ZEB1: variants seen among roughly 807,000 people sequenced by gnomAD.
ZEB1 encodes the protein zinc finger E-box-binding homeobox 1.
Under a neutral mutation model 84.9 loss-of-function variants are expected in ZEB1, and 21 were observed. The ratio of observed to expected loss-of-function variants is 0.25; its 90% CI spans 0.18 to 0.36. The LOEUF is 0.36. Ranked by LOEUF, ZEB1 falls within the 10% of genes least tolerant of loss-of-function variation. The pLI is 1.00. For synonymous variants in ZEB1, 420 were observed against 471.1 expected (o/e 0.89, Z 1.41); for missense variants, 1,104 against 1,330.2 (o/e 0.83, Z 2.65).
At chr10:31,502,648 C>A in intron 4 of ZEB1, 139 bp downstream of exon 4, 5 of 1,007,370 alleles carry the variant, frequency 5.0e-6, no homozygotes, top group Non-Finnish European at 7.6e-6. Flanking sequence ...AGAGAGTAAT[C>A]TGTTTTATTA....
chr10:31,502,588 T>TCTA, intron 4 of ZEB1, 79 bp downstream of exon 4: 3 of 1,582,672 alleles, frequency 1.9e-6, no homozygotes, highest in Non-Finnish European at 2.6e-6. Flanking sequence ...GGGAACCTGC[T>TCTA]CTACTATAGG....
intron 4 of ZEB1, among the ~76,000 whole-genome samples, chr10:31,504,359 C>T (rs1227229126): frequency 6.6e-6 from 1 of 151,852 alleles, no homozygotes; most frequent in Non-Finnish European, 1.5e-5. Flanking sequence ...CTTACTGTAC[C>T]TTGTATTATA....
At chr10:31,455,486 T>C (rs2061098631) in intron 1 of ZEB1, among the ~76,000 whole-genome samples, 1 of 152,078 alleles carries the variant, frequency 6.6e-6, no homozygotes, top group South Asian at 2.1e-4. Flanking sequence ...ACCTACAGAA[T>C]GGGAGAAAAT....
intron 1 of ZEB1, among the ~76,000 whole-genome samples, chr10:31,331,082 T>TTTC (rs2133259401): frequency 1.3e-5 from 1 of 79,876 alleles, no homozygotes; most frequent in Non-Finnish European, 2.0e-5. Context: ...TCTTTCTTTC[T>TTTC]TTTTTTTTTT....
intron 2 of ZEB1, among the ~76,000 whole-genome samples, chr10:31,471,877 C>A (rs2063309537): frequency 6.9e-6 from 1 of 145,372 alleles, no homozygotes; most frequent in African/African-American, 2.8e-5. Flanking sequence ...GACCACAGTG[C>A]AATCAAACTA....
At chr10:31,362,643 T>C (rs2134157077) in intron 1 of ZEB1, among the ~76,000 whole-genome samples, 1 of 145,784 alleles carries the variant, frequency 6.9e-6, no homozygotes, top group Non-Finnish European at 1.5e-5. Flanking sequence ...GCCCAGATGG[T>C]GCGGTGGCCG....
At chr10:31,327,898 A>G (rs1418500253) in intron 1 of ZEB1, among the ~76,000 whole-genome samples, 1 of 152,118 alleles carries the variant, frequency 6.6e-6, no homozygotes. Flanking sequence ...TTCTCTGTTT[A>G]TTAGGGAGGT....
chr10:31,403,928 A>G (rs1333999645), intron 1 of ZEB1, among the ~76,000 whole-genome samples: 1 of 152,122 alleles, frequency 6.6e-6, no homozygotes, highest in Non-Finnish European at 1.5e-5. Flanking sequence ...AATACATTTT[A>G]AAACAGATGC....
chr10:31,444,489 A>G (rs933635159), intron 1 of ZEB1, among the ~76,000 whole-genome samples: 2 of 151,824 alleles, frequency 1.3e-5, no homozygotes, highest in African/African-American at 4.8e-5. Flanking sequence ...GTCCTTGCCC[A>G]TGCCTATGTC....
chr10:31,369,279 G>A (rs1314754545), intron 1 of ZEB1, among the ~76,000 whole-genome samples: 7 of 151,946 alleles, frequency 4.6e-5, no homozygotes, highest in Non-Finnish European at 7.4e-5. Context: ...ATTGACTCTC[G>A]TCAACTTGCT....
intron 1 of ZEB1, among the ~76,000 whole-genome samples, chr10:31,362,113 G>C (rs1284932846): frequency 1.3e-5 from 2 of 151,322 alleles, no homozygotes; most frequent in African/African-American, 2.4e-5. Context: ...TTACTTCGCA[G>C]ACAGGACGGC....
intron 1 of ZEB1, among the ~76,000 whole-genome samples, chr10:31,335,858 A>C (rs536314576): frequency 1.3e-5 from 2 of 152,312 alleles, no homozygotes; most frequent in African/African-American, 4.8e-5. Flanking sequence ...TAACCCAGAA[A>C]AATTCACAGA....
intron 1 of ZEB1, among the ~76,000 whole-genome samples, chr10:31,421,837 A>G (rs2056210818): frequency 6.6e-6 from 1 of 152,054 alleles, no homozygotes; most frequent in Non-Finnish European, 1.5e-5. Context: ...CTGATTTATT[A>G]ATTTTCTTAA....
chr10:31,339,486 A>T (rs995359869), intron 1 of ZEB1, among the ~76,000 whole-genome samples: 2 of 152,058 alleles, frequency 1.3e-5, no homozygotes, highest in Non-Finnish European at 1.5e-5. Flanking sequence ...GAACCTATAT[A>T]AGGCCAGGCG....
At chr10:31,368,890 C>A (rs2045127440) in intron 1 of ZEB1, among the ~76,000 whole-genome samples, 1 of 152,090 alleles carries the variant, frequency 6.6e-6, no homozygotes, top group Admixed American at 6.6e-5. Flanking sequence ...TTAGGTGTTG[C>A]CTAATAAGTG....
chr10:31,444,619 G>T (rs1398714663), intron 1 of ZEB1, among the ~76,000 whole-genome samples: 3 of 151,742 alleles, frequency 2.0e-5, no homozygotes, highest in Non-Finnish European at 2.9e-5. Flanking sequence ...TCCAGTTTCA[G>T]CTTTCTACAT....
chr10:31,452,128 C>T (rs2060633254), intron 1 of ZEB1, among the ~76,000 whole-genome samples: 1 of 151,614 alleles, frequency 6.6e-6, no homozygotes, highest in Non-Finnish European at 1.5e-5. Context: ...AAGATTTTAC[C>T]TAGAGAAGGA....
Position 31,461,602 on chromosome 10 carries a change from C to T in ZEB1, c.259+365C>T, listed in dbSNP as rs182020831. Among the ~76,000 whole-genome samples, 930 of 152,116 alleles carry T rather than the reference C, an allele frequency of 6.1e-3. 11 individuals are homozygous for T. The highest frequency in any genetic ancestry group is 0.021 in the African/African-American group (877 of 41,514). Reference sequence around the variant, plus strand: ...TATAGTGAAATTATAATTCAATATGCAAAAATCCCAAACACATATAAATCA... The same window carrying T: ...TATAGTGAAATTATAATTCAATATGTAAAAATCCCAAACACATATAAATCA... On this transcript the variant is annotated intron_variant, in intron 2 of 8. Coordinates refer to ENST00000424869, the MANE Select transcript of ZEB1 (RefSeq NM_001174096.2).
intron 1 of ZEB1, among the ~76,000 whole-genome samples, chr10:31,437,089 T>C (rs139247498): frequency 5.5e-4 from 83 of 152,280 alleles, no homozygotes; most frequent in Non-Finnish European, 1.1e-3. Flanking sequence ...AACAATATAT[T>C]TTAAATAACA....
Sources: gnomAD v4.1 joint callset for allele counts (sites outside exome capture counted in the v4.1 genomes callset) on GRCh38, gnomAD v4.1.1 for gene constraint, MANE v1.5 for transcripts, NCBI Gene and HGNC (gene_info 2026-07-23, HGNC 2026-07-21) for gene names.